The following RSRC1 variants were observed in gnomAD, a reference collection of about 807,000 sequenced individuals.
RSRC1 encodes arginine and serine rich coiled-coil 1.
A neutral mutation model predicts 49.1 loss-of-function variants in RSRC1; 39 were observed. The observed-to-expected ratio is 0.79, with a 90% CI of 0.61 to 1.04. The LOEUF is 1.04. RSRC1 is among the 50% of genes least tolerant of loss of function. The pLI, the probability that RSRC1 is intolerant of heterozygous loss-of-function variation, is 0.00. For synonymous variants in RSRC1, 143 were observed against 130.8 expected (o/e 1.09, Z -0.63); for missense variants, 388 against 402.4 (o/e 0.96, Z 0.31).
At chr3:158,356,464 G>T (rs1355934011) in intron 6 of RSRC1, among the ~76,000 whole-genome samples, 4 of 152,122 alleles carry the variant, frequency 2.6e-5, no homozygotes, top group Admixed American at 2.6e-4. Flanking sequence ...TAGGTAAAAA[G>T]ATTGGCAATG....
At chr3:158,385,485 T>C (rs73170365) in intron 6 of RSRC1, among the ~76,000 whole-genome samples, 20,713 of 152,126 alleles carry the variant, frequency 0.14, 1,521 homozygotes, top group Middle Eastern at 0.2. Flanking sequence ...AGCAGTGAAG[T>C]GCACTATTTT....
chr3:158,336,239 A>C (rs1729880823), intron 5 of RSRC1, among the ~76,000 whole-genome samples: 1 of 152,238 alleles, frequency 6.6e-6, no homozygotes, highest in Admixed American at 6.5e-5. Flanking sequence ...AGGCCTCTCC[A>C]TTCATTGGTC....
intron 4 of RSRC1, among the ~76,000 whole-genome samples, chr3:158,256,785 T>C (rs573883378): frequency 1.3e-5 from 2 of 152,348 alleles, no homozygotes; most frequent in African/African-American, 2.4e-5. Context: ...AAGTTCGTCC[T>C]GGTTTAGTCT....
At chr3:158,252,739 T>C (rs1404122046) in intron 4 of RSRC1, among the ~76,000 whole-genome samples, 1 of 152,242 alleles carries the variant, frequency 6.6e-6, no homozygotes, top group African/African-American at 2.4e-5. Flanking sequence ...CGGGAGACTT[T>C]TTATTATGAT....
At chr3:158,441,136 T>C (rs1736359562) in intron 6 of RSRC1, among the ~76,000 whole-genome samples, 2 of 152,100 alleles carry the variant, frequency 1.3e-5, no homozygotes, top group African/African-American at 4.8e-5. Context: ...TCTCCTACAG[T>C]CTGTTGGAAT....
intron 3 of RSRC1, among the ~76,000 whole-genome samples, chr3:158,180,672 G>A (rs1019709147): frequency 6.6e-6 from 1 of 151,332 alleles, no homozygotes; most frequent in South Asian, 2.1e-4. Flanking sequence ...TCGCCATGTC[G>A]TCCAGGCTGG....
intron 3 of RSRC1, among the ~76,000 whole-genome samples, chr3:158,161,799 G>C (rs979131760): frequency 6.6e-6 from 1 of 151,924 alleles, no homozygotes; most frequent in African/African-American, 2.4e-5. Flanking sequence ...AAAATGTGTG[G>C]CTACAAACAG....
chr3:158,120,352 C>T, intron 1 of RSRC1, among the ~76,000 whole-genome samples: 1 of 151,736 alleles, frequency 6.6e-6, no homozygotes, highest in Non-Finnish European at 1.5e-5. Context: ...AGGTAAATAG[C>T]TTAAAGTTTT....
rs577015667 is a variant in RSRC1, at chr3:158,343,382, A to C, written c.532-11475A>C. 1.1e-4 allele frequency among the ~76,000 whole-genome samples: 17 copies of C among 152,312 alleles called. No homozygotes were observed. The East Asian group carries it at 3.1e-3, about 28-fold the overall frequency. ...ATACAAAAATATCTGGCACTGACAC[A>C]CAAAAAAAATGTCTGACATCCTATC... is the stretch of plus-strand genomic sequence containing the variant. On this transcript the variant is annotated intron_variant, in intron 5 of 9. Transcript: ENST00000611884.
intron 6 of RSRC1, among the ~76,000 whole-genome samples, chr3:158,428,938 A>G (rs1160974627): frequency 6.6e-6 from 1 of 151,866 alleles, no homozygotes; most frequent in Non-Finnish European, 1.5e-5. Context: ...CACTAGCTTT[A>G]TGCAGGTCGA....
chr3:158,459,084 T>A (rs1737487627), intron 6 of RSRC1, among the ~76,000 whole-genome samples: 1 of 152,114 alleles, frequency 6.6e-6, no homozygotes, highest in African/African-American at 2.4e-5. Flanking sequence ...TCTATACTAT[T>A]TCAACATAAT....
At chr3:158,353,997 T>TTTG (rs1553791531) in intron 5 of RSRC1, among the ~76,000 whole-genome samples, 1 of 137,650 alleles carries the variant, frequency 7.3e-6, no homozygotes, top group African/African-American at 2.7e-5. Context: ...TTCTTTTTCT[T>TTTG]TTTTTTTTTT....
At chr3:158,469,878 A>G (rs904589828) in intron 7 of RSRC1, 1 of 152,128 alleles carries the variant, frequency 6.6e-6, no homozygotes, top group East Asian at 1.9e-4. Context: ...TTTGAAACTT[A>G]TGTTAGCATT....
intron 5 of RSRC1, among the ~76,000 whole-genome samples, chr3:158,319,290 C>T (rs1254151055): frequency 6.6e-6 from 1 of 152,068 alleles, no homozygotes; most frequent in Non-Finnish European, 1.5e-5. Context: ...AGTGGCACTT[C>T]CCCACTCTCA....
intron 5 of RSRC1, among the ~76,000 whole-genome samples, chr3:158,309,980 TG>T (rs1321747937): frequency 6.6e-6 from 1 of 151,666 alleles, no homozygotes; most frequent in African/African-American, 2.4e-5. Context: ...CTTGAGAAAG[TG>T]TATTAAACCA....
chr3:158,502,394 A>G (rs1739647764), intron 7 of RSRC1, among the ~76,000 whole-genome samples: 1 of 152,130 alleles, frequency 6.6e-6, no homozygotes, highest in South Asian at 2.1e-4. Context: ...TGCTTCTTGT[A>G]TTTGCATGTC....
At chr3:158,453,962 ATTCTT>A (rs1737186702) in intron 6 of RSRC1, among the ~76,000 whole-genome samples, 2 of 152,108 alleles carry the variant, frequency 1.3e-5, no homozygotes, top group Middle Eastern at 6.8e-3. Flanking sequence ...AATATAAACT[ATTCTT>A]TTCTTTCTTT....
At chr3:158,439,279 A>G (rs1000037384) in intron 6 of RSRC1, among the ~76,000 whole-genome samples, 15 of 152,162 alleles carry the variant, frequency 9.9e-5, no homozygotes, top group African/African-American at 3.4e-4. Flanking sequence ...ATCTAGAACT[A>G]GAAATACCAT....
At chr3:158,300,340 T>C in intron 5 of RSRC1, among the ~76,000 whole-genome samples, 1 of 152,224 alleles carries the variant, frequency 6.6e-6, no homozygotes, top group East Asian at 1.9e-4. Context: ...TATTCATCTA[T>C]CCATCTGTCT....
Sources: allele counts gnomAD v4.1 joint callset (sites outside exome capture counted in the v4.1 genomes callset), GRCh38; gene constraint gnomAD v4.1.1; transcripts MANE v1.5; gene names NCBI Gene and HGNC (gene_info 2026-07-23, HGNC 2026-07-21).